The following PDE11A variants were observed in gnomAD, a reference collection of about 807,000 sequenced individuals.
PDE11A encodes phosphodiesterase 11A, also known as dual 3',5'-cyclic-AMP and -GMP phosphodiesterase 11A.
In PDE11A, 100 loss-of-function variants were observed where a neutral mutation model predicts 100.5. That is an observed-to-expected ratio of 1.00 (90% CI 0.85 to 1.18). The LOEUF is 1.18. Ranked by LOEUF, PDE11A falls within the 50% of genes most tolerant of loss-of-function variation. PDE11A has a pLI of 0.00. For missense variants in PDE11A, 1,141 were observed against 1,152.6 expected (o/e 0.99, Z 0.15); for synonymous variants, 381 against 420.8 (o/e 0.91, Z 1.16).
chr2:177,896,010 T>C (rs989973392), intron 4 of PDE11A, among the ~76,000 whole-genome samples: 1 of 152,178 alleles, frequency 6.6e-6, no homozygotes, highest in African/African-American at 2.4e-5. Flanking sequence ...GTTTGGTTTT[T>C]CCATCAATAT....
chr2:177,781,902 C>A (rs978495304), intron 9 of PDE11A, among the ~76,000 whole-genome samples: 24 of 152,074 alleles, frequency 1.6e-4, no homozygotes, highest in African/African-American at 5.8e-4. Context: ...TTTGAGTGGG[C>A]CCTCAACTTG....
At chr2:177,737,590 C>CAG (rs1553543822) in intron 10 of PDE11A, among the ~76,000 whole-genome samples, 1 of 144,672 alleles carries the variant, frequency 6.9e-6, no homozygotes, top group Non-Finnish European at 1.5e-5. Flanking sequence ...GACTCTGTCT[C>CAG]AAAAAAAAAA....
chr2:177,945,316 G>A (rs1439150855), intron 2 of PDE11A, among the ~76,000 whole-genome samples: 19 of 144,850 alleles, frequency 1.3e-4, no homozygotes, highest in African/African-American at 4.8e-4. Context: ...CTGCCTGGCT[G>A]CCCAGTCTGG....
At chr2:177,655,396 A>G (rs185081468) in intron 19 of PDE11A, among the ~76,000 whole-genome samples, 25 of 152,340 alleles carry the variant, frequency 1.6e-4, no homozygotes, top group African/African-American at 5.3e-4. Context: ...TCTGAGATGT[A>G]GCGAAGGGTA....
chr2:177,705,913 T>C (rs1016269528), intron 13 of PDE11A, among the ~76,000 whole-genome samples: 1 of 152,194 alleles, frequency 6.6e-6, no homozygotes, highest in Non-Finnish European at 1.5e-5. Context: ...GAGAATATAC[T>C]ACAAAGCTGC....
At chr2:177,898,284 A>G (rs976787709) in intron 3 of PDE11A, 86 bp from the exon 4 acceptor site, 8 of 845,164 alleles carry the variant, frequency 9.5e-6, no homozygotes, top group Non-Finnish European at 1.3e-5. Context: ...CTTTGCTTCA[A>G]TAAAATATAG....
intron 16 of PDE11A, chr2:177,677,778 G>A (rs2080801698): frequency 6.6e-6 from 1 of 152,188 alleles, no homozygotes; most frequent in Non-Finnish European, 1.5e-5. Context: ...TTCAAGAAGT[G>A]AAAGATCTTT....
intron 15 of PDE11A, among the ~76,000 whole-genome samples, chr2:177,682,455 T>C (rs1198009062): frequency 6.6e-6 from 1 of 152,208 alleles, no homozygotes; most frequent in Non-Finnish European, 1.5e-5. Context: ...ACAGACACTT[T>C]TTGGTTTACA....
intron 9 of PDE11A, among the ~76,000 whole-genome samples, chr2:177,776,593 A>C (rs1453857745): frequency 6.6e-6 from 1 of 152,172 alleles, no homozygotes; most frequent in African/African-American, 2.4e-5. Flanking sequence ...TCAGAATATG[A>C]CTGTATTTGG....
chr2:177,696,711 AT>A (rs534634937), intron 15 of PDE11A, among the ~76,000 whole-genome samples: 115 of 152,276 alleles, frequency 7.6e-4, no homozygotes, highest in Non-Finnish European at 1.4e-3. Context: ...CAAATGAAAA[AT>A]TTTTTTAAGG....
chr2:178,075,792 C>T (rs988215143), upstream of PDE11A, among the ~76,000 whole-genome samples: 1 of 151,956 alleles, frequency 6.6e-6, no homozygotes, highest in South Asian at 2.1e-4. Flanking sequence ...GATTCTTGGC[C>T]CTATATGGAA....
intron 2 of PDE11A, among the ~76,000 whole-genome samples, chr2:177,999,727 C>T (rs1177329219): frequency 6.6e-6 from 1 of 152,200 alleles, no homozygotes; most frequent in Admixed American, 6.5e-5. Flanking sequence ...AAAGCCCGTT[C>T]CAGCCTTCTG....
At chr2:178,066,310 G>A (rs1411082326) in intron 1 of PDE11A, among the ~76,000 whole-genome samples, 1 of 152,158 alleles carries the variant, frequency 6.6e-6, no homozygotes, top group South Asian at 2.1e-4. Context: ...TTCAGGGCCC[G>A]CTTCGTGAGC....
chr2:177,663,887 G>T lies in PDE11A; in HGVS notation c.2625C>A (p.Ser875Arg). 1 of 1,601,992 alleles carries T rather than the reference G, an allele frequency of 6.2e-7. No individual in the cohort carries two copies. Reference protein sequence around the residue: ...LPRLQLEWIDSICMPLYQALV... With the variant: ...LPRLQLEWIDRICMPLYQALV... The stretch of plus-strand genomic sequence containing the variant: ...GTACCTGATACAAAGGCATGCAGAT[G>T]CTATCAATCCACTCCAGTTGCAACC... The change falls in exon 19 of 20, where the codon AGC becomes AGA. Residue 875 changes from serine (S) to arginine (R), a missense_variant. Transcript: ENST00000286063.
intron 4 of PDE11A, among the ~76,000 whole-genome samples, chr2:177,879,567 C>A (rs1224308874): frequency 6.6e-6 from 1 of 152,190 alleles, no homozygotes; most frequent in Non-Finnish European, 1.5e-5. Flanking sequence ...TTTGCCCTGG[C>A]TCCTCAAAAC....
rs1385098899 is a variant in PDE11A, at chr2:177,853,709, TGTGTTTG to T, written c.1368-13333_1368-13327del. The stretch of plus-strand genomic sequence containing the variant: ...GTGTGTGTGTGTGTGTGTGTGTGTG[TGTGTTTG>T]TGTGTGTGTGTGTGTATATCTATAT... On this transcript the variant is annotated intron_variant, in intron 5 of 19. Transcript: ENST00000286063. 6.1e-4 allele frequency among the ~76,000 whole-genome samples: 12 copies of T among 19,680 alleles called. 1 individual carries two copies. The highest frequency in any genetic ancestry group is 1.6e-3 in the Non-Finnish European group (12 of 7,570). The allele number at this position is 19,680 out of a possible 152,430, so 12.9% of individuals were successfully genotyped here.
chr2:177,986,728 G>C (rs1325594303), intron 2 of PDE11A, among the ~76,000 whole-genome samples: 1 of 151,992 alleles, frequency 6.6e-6, no homozygotes, highest in Non-Finnish European at 1.5e-5. Context: ...CTACTCAGGA[G>C]GCTGAGGCAG....
At chr2:178,047,660 G>A (rs2086768604) in intron 1 of PDE11A, among the ~76,000 whole-genome samples, 2 of 152,134 alleles carry the variant, frequency 1.3e-5, no homozygotes, top group Admixed American at 1.3e-4. Flanking sequence ...ACTATGAGCA[G>A]ATCAGACATG....
chr2:178,098,722 A>C (rs2087525758), intron 2 of PDE11A, among the ~76,000 whole-genome samples: 1 of 152,052 alleles, frequency 6.6e-6, no homozygotes, highest in Non-Finnish European at 1.5e-5. Context: ...TACCACACAT[A>C]ATGGTAAATA....
Sources: allele counts gnomAD v4.1 joint callset (sites outside exome capture counted in the v4.1 genomes callset), GRCh38; gene constraint gnomAD v4.1.1; transcripts MANE v1.5; gene names NCBI Gene and HGNC (gene_info 2026-07-23, HGNC 2026-07-21).